The following ZNF503 variants were observed in gnomAD, a reference collection of about 807,000 sequenced individuals.
ZNF503 encodes NocA-like zinc finger 2.
In ZNF503, 15 loss-of-function variants were observed where a neutral mutation model predicts 34.4. The observed-to-expected ratio is 0.44, with a 90% confidence interval of 0.29 to 0.67. The LOEUF is 0.67. ZNF503 is among the 30% of genes least tolerant of loss of function. The pLI is 0.13. For missense variants in ZNF503, 1,007 were observed against 926.8 expected, an observed-to-expected ratio of 1.09 and a Z score of -1.12; for synonymous variants, 580 against 456.8, an observed-to-expected ratio of 1.27 and a Z score of -3.44.
chr10:75,347,381 G>A, the ZNF503 span, among the ~76,000 whole-genome samples: 720 of 74,130 alleles, frequency 9.7e-3, 5 homozygotes, highest in African/African-American at 0.063. Context: ...ATCTGGGCCC[G>A]CAGGGCTGAC....
At chr10:75,290,344 G>T in the ZNF503 span, among the ~76,000 whole-genome samples, 18 of 152,306 alleles carry the variant, frequency 1.2e-4, no homozygotes, top group African/African-American at 4.1e-4. Flanking sequence ...CAGCTGGGAC[G>T]TTGGCTGGGC....
chr10:75,390,927 T>C, the ZNF503 span, among the ~76,000 whole-genome samples: 1 of 152,196 alleles, frequency 6.6e-6, no homozygotes, highest in African/African-American at 2.4e-5. Context: ...TCCTGGTTTT[T>C]AGATGGCTGC....
chr10:75,330,586 A>C, the ZNF503 span, among the ~76,000 whole-genome samples: 11 of 152,070 alleles, frequency 7.2e-5, no homozygotes, highest in African/African-American at 2.7e-4. Flanking sequence ...GGTAGGTTGT[A>C]TGTGTCCAGG....
At chr10:75,396,236 G>A (rs1843695124), downstream of ZNF503, among the ~76,000 whole-genome samples, 1 of 152,218 alleles carries the variant, frequency 6.6e-6, no homozygotes, top group Non-Finnish European at 1.5e-5. The surrounding 1 kb of genome is among the most constrained non-coding windows in gnomAD (Gnocchi z 4.4). Flanking sequence ...CTCTCTCGGC[G>A]GGACCAGAGT....
chr10:75,328,210 C>G, the ZNF503 span, among the ~76,000 whole-genome samples: 1 of 152,074 alleles, frequency 6.6e-6, no homozygotes, highest in Non-Finnish European at 1.5e-5. Context: ...ATGTTTTCTT[C>G]TAGTAGTTTC....
chr10:75,361,240 T>C, the ZNF503 span: 1 of 152,216 alleles, frequency 6.6e-6, no homozygotes, highest in Admixed American at 6.5e-5. Context: ...TTCCTCTTAG[T>C]GTTGTTTTAA....
rs1278976163 is a variant in ZNF503, at chr10:75,399,412, C to G, written c.1278G>C (p.Leu426Phe). ...AGCTGAGGCAGTAAGGGTCCCGGCACAAACTGGCTGTCATCACGGACGGCG... is the reference window on the plus strand; with the variant it reads ...AGCTGAGGCAGTAAGGGTCCCGGCAGAAACTGGCTGTCATCACGGACGGCG... ...ASPPSVMTAS[L>F]CRDPYCLSYH... Residue 426 changes from leucine (L) to phenylalanine (F), a missense_variant, in exon 2 of 2, where the codon TTG becomes TTC. Coordinates refer to ENST00000372524, the MANE Select transcript of ZNF503 (RefSeq NM_032772.6). 1.2e-6 allele frequency: 2 copies of G among 1,604,540 alleles called. No homozygotes were observed. Among genetic ancestry groups the G allele is most frequent in the Non-Finnish European group, 1.7e-6 (2 of 1,178,384 alleles).
In ZNF503 at chr10:75,401,515, GGGA is replaced by G. The variant is rs1011267827; in HGVS notation, c.-99_-97del. ...CGCTCGCCCCGGGAGCAGGAGCAGC[GGGA>G]GGAGGAGGAGCTGGCGCGGCGGCCA... On this transcript the variant is annotated 5_prime_UTR_variant, in exon 1 of 2. Coordinates refer to ENST00000372524, the MANE Select transcript of ZNF503 (RefSeq NM_032772.6). 1.6e-5 allele frequency: 22 copies of G among 1,413,152 alleles called. No individual in the cohort carries two copies. Among genetic ancestry groups the G allele is most frequent in the Admixed American group, 9.7e-5 (4 of 41,192 alleles). 87.5% of individuals were successfully genotyped at this position (1,413,152 alleles called of 1,614,324 possible).
At chr10:75,384,373 TAC>T in the ZNF503 span, among the ~76,000 whole-genome samples, 235 of 152,188 alleles carry the variant, frequency 1.5e-3, 2 homozygotes, top group African/African-American at 5.4e-3. Context: ...CACACACTCG[TAC>T]ACACTTTCCC....
At chr10:75,356,228 T>C in the ZNF503 span, among the ~76,000 whole-genome samples, 1 of 152,170 alleles carries the variant, frequency 6.6e-6, no homozygotes, top group South Asian at 2.1e-4. Flanking sequence ...TATGTATTTA[T>C]TTTTTTGAGA....
At chr10:75,284,938 G>A in the ZNF503 span, among the ~76,000 whole-genome samples, 1 of 152,170 alleles carries the variant, frequency 6.6e-6, no homozygotes, top group African/African-American at 2.4e-5. Context: ...ATATTTGAGT[G>A]CCTACCTAAC....
chr10:75,330,281 TC>T, the ZNF503 span, among the ~76,000 whole-genome samples: 4 of 152,216 alleles, frequency 2.6e-5, no homozygotes, highest in African/African-American at 9.7e-5. Flanking sequence ...GTATTTTGCA[TC>T]TGTCTTCATC....
At chr10:75,373,175 A>G in the ZNF503 span, among the ~76,000 whole-genome samples, 17 of 152,222 alleles carry the variant, frequency 1.1e-4, no homozygotes, top group Non-Finnish European at 2.1e-4. Flanking sequence ...TTCACTGGGC[A>G]TTGCGCTTGG....
chr10:75,291,249 C>T, the ZNF503 span, among the ~76,000 whole-genome samples: 4 of 152,266 alleles, frequency 2.6e-5, no homozygotes, highest in African/African-American at 9.6e-5. Context: ...TCTCAGAATT[C>T]CTAAAACATC....
chr10:75,318,522 A>G, the ZNF503 span, among the ~76,000 whole-genome samples: 1 of 152,086 alleles, frequency 6.6e-6, no homozygotes, highest in Non-Finnish European at 1.5e-5. Flanking sequence ...TAGAAAAATT[A>G]GCTGGGTATG....
chr10:75,293,524 G>C, the ZNF503 span, among the ~76,000 whole-genome samples: 3 of 152,200 alleles, frequency 2.0e-5, no homozygotes, highest in East Asian at 5.8e-4. Flanking sequence ...CTGTCCATTA[G>C]GGAGCTTTTC....
At chr10:75,372,051 C>T in the ZNF503 span, among the ~76,000 whole-genome samples, 1 of 152,338 alleles carries the variant, frequency 6.6e-6, no homozygotes, top group Admixed American at 6.5e-5. Context: ...CTTCCTCAGC[C>T]TCACGAGTAG....
In ZNF503 at chr10:75,399,351, C is replaced by G; in HGVS notation, c.1339G>C (p.Ala447Pro). ...GGATCATGTGCGCAAGAAGCGCTGG[C>G]GGCCGCCGCCCCTGCCAGGTGGCTA... is the stretch of plus-strand genomic sequence containing the variant. ...CASHLAGAAA[A>P]SASCAHDPAA... is the part of the protein sequence containing the mutation. Residue 447 changes from alanine to proline, a missense_variant, in exon 2 of 2, where the codon GCC (alanine) becomes CCC (proline). By Grantham distance (27) the Ala-to-Pro change is conservative. Coordinates refer to ENST00000372524, the MANE Select transcript of ZNF503 (RefSeq NM_032772.6). 6.2e-7 allele frequency: 1 copy of G among 1,604,002 alleles called. No individual in the cohort carries two copies. Among genetic ancestry groups the G allele is most frequent in the Non-Finnish European group, 8.5e-7 (1 of 1,177,524 alleles).
chr10:75,294,942 G>A, the ZNF503 span, among the ~76,000 whole-genome samples: 1 of 152,172 alleles, frequency 6.6e-6, no homozygotes, highest in African/African-American at 2.4e-5. Context: ...ACGCTGTTGT[G>A]TATATTTCTC....
Sources: gnomAD v4.1 joint callset for allele counts (sites outside exome capture counted in the v4.1 genomes callset) on GRCh38, gnomAD v4.1.1 for gene constraint, Gnocchi (gnomAD v3.1) non-coding constraint, MANE v1.5 for transcripts, NCBI Gene and HGNC (gene_info 2026-07-23, HGNC 2026-07-21) for gene names.